The following SULF1 variants were observed in gnomAD, a reference collection of about 807,000 sequenced individuals.
The protein encoded by SULF1 is sulfatase 1, also known as extracellular sulfatase Sulf-1.
Under a neutral mutation model 110.5 loss-of-function variants are expected in SULF1, and 46 were observed. That is an observed-to-expected ratio of 0.42 (90% confidence interval 0.33 to 0.53). The LOEUF (loss-of-function observed/expected upper bound fraction) is 0.53. Among genes scored for constraint, SULF1 ranks in the 20% least tolerant of loss-of-function variants. SULF1 has a pLI of 0.12. For missense variants in SULF1, 941 were observed against 1,094.2 expected (o/e 0.86, Z 1.98); for synonymous variants, 371 against 387.1 (o/e 0.96, Z 0.49).
intron 1 of SULF1, among the ~76,000 whole-genome samples, chr8:69,495,386 C>A (rs1387395789): frequency 6.6e-6 from 1 of 151,660 alleles, no homozygotes; most frequent in Non-Finnish European, 1.5e-5. Context: ...ATAGTGAGAC[C>A]CTGGCTCTTT....
At chr8:69,636,451 G>T (rs1811021646) in intron 19 of SULF1, among the ~76,000 whole-genome samples, 1 of 151,948 alleles carries the variant, frequency 6.6e-6, no homozygotes, top group Non-Finnish European at 1.5e-5. Context: ...GAAGGAGAAC[G>T]GTGTGAACCC....
chr8:69,557,041 G>A (rs768255465), intron 3 of SULF1, among the ~76,000 whole-genome samples: 22 of 152,110 alleles, frequency 1.4e-4, no homozygotes, highest in Non-Finnish European at 2.6e-4. Flanking sequence ...CTGTTCCTAC[G>A]TTAGTTTGCT....
chr8:69,640,189 AG>A (rs1811372867), intron 21 of SULF1, among the ~76,000 whole-genome samples: 3 of 150,902 alleles, frequency 2.0e-5, no homozygotes, highest in Admixed American at 2.0e-4. Flanking sequence ...GAGAAAAGAA[AG>A]AAAGAGAGAG....
intron 13 of SULF1, among the ~76,000 whole-genome samples, chr8:69,613,959 CA>C (rs35592356): frequency 2.2e-4 from 32 of 146,560 alleles, no homozygotes; most frequent in Middle Eastern, 3.5e-3. Flanking sequence ...GAGTTAGCAG[CA>C]AAAAAAAAAA....
At chr8:69,525,927 G>A (rs553616386) in intron 3 of SULF1, among the ~76,000 whole-genome samples, 4 of 152,252 alleles carry the variant, frequency 2.6e-5, no homozygotes, top group African/African-American at 7.2e-5. Flanking sequence ...GGGATGAAGC[G>A]TCTTTAGCAC....
chr8:69,485,858 T>G (rs1270334887), intron 1 of SULF1, among the ~76,000 whole-genome samples: 1 of 152,212 alleles, frequency 6.6e-6, no homozygotes. Context: ...GTTCATTTTT[T>G]TCTGTGTCTG....
intron 16 of SULF1, among the ~76,000 whole-genome samples, 154 bp from the exon 17 acceptor site, chr8:69,627,618 T>C (rs1489490137): frequency 2.0e-5 from 3 of 152,238 alleles, no homozygotes; most frequent in Admixed American, 6.5e-5. Flanking sequence ...AGAGTCTATA[T>C]AGACATATTC....
chr8:69,605,048 C>T, intron 13 of SULF1, 116 bp downstream of exon 13: 1 of 1,424,134 alleles, frequency 7.0e-7, no homozygotes, highest in Non-Finnish European at 9.4e-7. Flanking sequence ...TTCCTAGTGG[C>T]CTTGAGGGCA....
At chr8:69,501,378 A>G (rs1032088198) in intron 2 of SULF1, among the ~76,000 whole-genome samples, 3 of 152,196 alleles carry the variant, frequency 2.0e-5, no homozygotes, top group African/African-American at 7.2e-5. Context: ...TACATTTTTC[A>G]GCTGTCAAAA....
In SULF1 at chr8:69,638,628, A is replaced by G; in HGVS notation, c.2411A>G (p.Asn804Ser). The change falls in exon 20 of 23, where the codon AAT becomes AGT. Residue 804 changes from asparagine to serine, a missense_variant. Asn to Ser is a conservative substitution (Grantham distance 46). Transcript: ENST00000402687. ...ATGFLEYFDM[N>S]TDPYQLTNTV... Reference sequence around the variant, plus strand: ...GGCTTTTTGGAGTATTTTGATATGAATACAGATCCTTATCAGGTAAGACAA... The same window carrying G: ...GGCTTTTTGGAGTATTTTGATATGAGTACAGATCCTTATCAGGTAAGACAA... The G allele has an allele frequency of 6.2e-7, 1 of 1,612,762 alleles. No homozygotes were observed. The highest frequency in any genetic ancestry group is 8.5e-7 in the Non-Finnish European group (1 of 1,179,792).
chr8:69,561,538 T>C (rs1052229856), intron 3 of SULF1, among the ~76,000 whole-genome samples: 1 of 152,248 alleles, frequency 6.6e-6, no homozygotes, highest in African/African-American at 2.4e-5. Flanking sequence ...TATCAGCATC[T>C]GAATTGTCAA....
chr8:69,468,135 TAC>T (rs1808934595), intron 1 of SULF1, among the ~76,000 whole-genome samples: 2 of 152,228 alleles, frequency 1.3e-5, no homozygotes, highest in Non-Finnish European at 2.9e-5. Context: ...AACATTCATA[TAC>T]CTGTGGTATG....
chr8:69,638,829 G>A lies in SULF1; in HGVS notation c.2522G>A (p.Cys841Tyr). ...AGAAGCTGTCAAGGATATAAGCAGTGCAACCCAAGACCTAAGAATCTTGAT... is the reference window on the plus strand; with the variant it reads ...AGAAGCTGTCAAGGATATAAGCAGTACAACCCAAGACCTAAGAATCTTGAT... ...ELRSCQGYKQ[C>Y]NPRPKNLDVG... The change falls in exon 21 of 23, where the codon TGC becomes TAC. Residue 841 changes from cysteine to tyrosine, a missense_variant. Transcript: ENST00000402687. 6.2e-7 allele frequency: 1 copy of A among 1,613,690 alleles called. No individual in the cohort carries two copies. Among genetic ancestry groups the A allele is most frequent in the Non-Finnish European group, 8.5e-7 (1 of 1,179,920 alleles).
At chr8:69,540,793 G>T (rs917665228) in intron 3 of SULF1, among the ~76,000 whole-genome samples, 7 of 152,062 alleles carry the variant, frequency 4.6e-5, no homozygotes, top group Admixed American at 4.6e-4. Context: ...CAAATGGAAG[G>T]CCGATGAAAA....
intron 13 of SULF1, among the ~76,000 whole-genome samples, chr8:69,613,397 C>CATAAGTAA (rs1189120167): frequency 7.0e-6 from 1 of 143,640 alleles, no homozygotes; most frequent in Non-Finnish European, 1.5e-5. Context: ...CACAAGTAGG[C>CATAAGTAA]ATAAGTAAGA....
At chr8:69,485,767 T>C (rs1206962127) in intron 1 of SULF1, among the ~76,000 whole-genome samples, 1 of 152,224 alleles carries the variant, frequency 6.6e-6, no homozygotes, top group Non-Finnish European at 1.5e-5. Flanking sequence ...CAGTTTCACA[T>C]TTGTAATCTA....
At chr8:69,475,341 G>A (rs1423753149) in intron 1 of SULF1, among the ~76,000 whole-genome samples, 1 of 151,896 alleles carries the variant, frequency 6.6e-6, no homozygotes, top group African/African-American at 2.4e-5. Context: ...GAGAGTGACA[G>A]TGAGTGAGCA....
At chr8:69,519,673 A>G (rs1241712483) in intron 3 of SULF1, among the ~76,000 whole-genome samples, 2 of 152,230 alleles carry the variant, frequency 1.3e-5, no homozygotes, top group African/African-American at 2.4e-5. Context: ...GTTGACAAAT[A>G]GAGTATCTAC....
chr8:69,506,590 A>G (rs1407256539), intron 3 of SULF1, among the ~76,000 whole-genome samples: 1 of 152,110 alleles, frequency 6.6e-6, no homozygotes, highest in Admixed American at 6.6e-5. Flanking sequence ...CTCTCCTCCC[A>G]TCTGACTGAG....
Sources: gnomAD v4.1 joint callset for allele counts (sites outside exome capture counted in the v4.1 genomes callset) on GRCh38, gnomAD v4.1.1 for gene constraint, MANE v1.5 for transcripts, NCBI Gene and HGNC (gene_info 2026-07-23, HGNC 2026-07-21) for gene names.